Variants in CTNND2 observed in about 807,000 individuals in gnomAD.
The protein encoded by CTNND2 is catenin delta 2.
In CTNND2, 22 loss-of-function variants were observed where a neutral mutation model predicts 144.4. The observed-to-expected ratio is 0.15, with a 90% CI of 0.11 to 0.22. CTNND2 has a LOEUF of 0.22. CTNND2 is among the 10% of genes least tolerant of loss of function. The pLI, the probability that CTNND2 is intolerant of heterozygous loss-of-function variation, is 1.00. For missense variants in CTNND2, 1,353 were observed against 1,618.8 expected (o/e 0.84, Z 2.82); for synonymous variants, 751 against 695.6 (o/e 1.08, Z -1.25).
At chr5:11,447,161 T>C (rs1297581953) in intron 3 of CTNND2, among the ~76,000 whole-genome samples, 2 of 152,102 alleles carry the variant, frequency 1.3e-5, no homozygotes, top group African/African-American at 4.8e-5. Flanking sequence ...CTGGTCAACA[T>C]GGTGAAACCC....
At chr5:11,057,658 GAA>G (rs1459202480) in intron 16 of CTNND2, among the ~76,000 whole-genome samples, 3 of 152,194 alleles carry the variant, frequency 2.0e-5, no homozygotes, top group African/African-American at 7.2e-5. Flanking sequence ...GGGTGCTACT[GAA>G]AAGTTACCTG....
intron 2 of CTNND2, among the ~76,000 whole-genome samples, chr5:11,587,330 C>T (rs1461006025): frequency 6.6e-6 from 1 of 151,982 alleles, no homozygotes; most frequent in Admixed American, 6.6e-5. Flanking sequence ...AGCTTTAAGA[C>T]AATAAACATA....
Position 11,417,799 on chromosome 5 carries a change from A to C in CTNND2, c.288-5730T>G, listed in dbSNP as rs1022782467. Among the ~76,000 whole-genome samples the C allele has an allele frequency of 7.6e-4, 115 of 152,300 alleles. 1 individual carries two copies. The highest frequency in any genetic ancestry group is 2.6e-3 in the African/African-American group (107 of 41,556). On this transcript the variant is annotated intron_variant, in intron 3 of 21. Transcript: ENST00000304623. ...ACCCAGGAATTTTGCTTCTATGTAG[A>C]GACTCCAGGAAAACATTTGCACCTT...
chr5:11,892,411 C>T (rs1372369708), intron 1 of CTNND2, among the ~76,000 whole-genome samples: 1 of 152,164 alleles, frequency 6.6e-6, no homozygotes, highest in Non-Finnish European at 1.5e-5. Context: ...AGTAACAATG[C>T]TCTACTAATA....
intron 3 of CTNND2, among the ~76,000 whole-genome samples, chr5:11,436,372 G>T (rs1045604119): frequency 6.6e-6 from 1 of 152,162 alleles, no homozygotes; most frequent in African/African-American, 2.4e-5. Flanking sequence ...CAATGAGGAA[G>T]AACCTTCTAA....
intron 9 of CTNND2, among the ~76,000 whole-genome samples, chr5:11,255,604 A>AG (rs1744151206): frequency 6.6e-6 from 1 of 152,108 alleles, no homozygotes; most frequent in South Asian, 2.1e-4. Context: ...GCGACCACAA[A>AG]GGTTACGCAT....
intron 3 of CTNND2, among the ~76,000 whole-genome samples, chr5:11,499,794 C>G (rs1041576878): frequency 2.0e-5 from 3 of 152,102 alleles, no homozygotes; most frequent in Admixed American, 6.5e-5. Context: ...TTAAATTTAT[C>G]TTAAGGCTCT....
chr5:11,517,381 T>C (rs1772260204), intron 3 of CTNND2, among the ~76,000 whole-genome samples: 2 of 152,222 alleles, frequency 1.3e-5, no homozygotes, highest in Non-Finnish European at 2.9e-5. Flanking sequence ...TCAAACTGTC[T>C]AAATTCTTCT....
At chr5:11,226,806 C>T (rs1457805850) in intron 10 of CTNND2, among the ~76,000 whole-genome samples, 1 of 152,184 alleles carries the variant, frequency 6.6e-6, no homozygotes. Context: ...ATTGTTGCTT[C>T]CCCCTACTCA....
At chr5:11,117,395 G>T in intron 13 of CTNND2, 55 bp downstream of exon 13, 1 of 1,355,348 alleles carries the variant, frequency 7.4e-7, no homozygotes, top group Non-Finnish European at 1.1e-6. Flanking sequence ...CTATTGTTGA[G>T]TCCCGTGGGA....
At chr5:11,740,765 G>T (rs111463113) in intron 1 of CTNND2, among the ~76,000 whole-genome samples, 1 of 152,108 alleles carries the variant, frequency 6.6e-6, no homozygotes, top group African/African-American at 2.4e-5. Flanking sequence ...CCTACAGACT[G>T]GGAGAAAATT....
At chr5:11,752,336 T>C in intron 1 of CTNND2, among the ~76,000 whole-genome samples, 1 of 151,374 alleles carries the variant, frequency 6.6e-6, no homozygotes, top group Non-Finnish European at 1.5e-5. Flanking sequence ...AGTCTTAGGT[T>C]TTCCATTTGT....
chr5:11,677,685 C>G (rs1206322351), intron 2 of CTNND2, among the ~76,000 whole-genome samples: 1 of 152,046 alleles, frequency 6.6e-6, no homozygotes, highest in Non-Finnish European at 1.5e-5. Flanking sequence ...CAATGAAAGC[C>G]CATGTATTCG....
chr5:11,409,376 A>G (rs1331539349), intron 5 of CTNND2, among the ~76,000 whole-genome samples: 2 of 152,088 alleles, frequency 1.3e-5, no homozygotes, highest in Non-Finnish European at 2.9e-5. Context: ...TAACAAACAT[A>G]TACTATCATG....
intron 21 of CTNND2, among the ~76,000 whole-genome samples, chr5:10,979,596 T>C (rs1736959275): frequency 6.6e-6 from 1 of 152,194 alleles, no homozygotes; most frequent in African/African-American, 2.4e-5. Flanking sequence ...CTTTTATAGT[T>C]CCTGCAGAGC....
chr5:11,132,131 C>G (rs1306418568), intron 12 of CTNND2, among the ~76,000 whole-genome samples: 1 of 152,180 alleles, frequency 6.6e-6, no homozygotes, highest in Non-Finnish European at 1.5e-5. Context: ...AATTCTCCAG[C>G]CCCTCTAAAA....
chr5:11,276,744 A>G (rs1746573999), intron 9 of CTNND2, among the ~76,000 whole-genome samples: 1 of 152,212 alleles, frequency 6.6e-6, no homozygotes, highest in Admixed American at 6.5e-5. Context: ...CACAAAATCC[A>G]ATGACTGGTG....
rs1741681633 is a variant in CTNND2 at position 11,236,782 on chromosome 5, T to C, written c.1670A>G (p.Gln557Arg). 6.2e-7 allele frequency: 1 copy of C among 1,614,196 alleles called. No homozygotes were observed. The highest frequency in any genetic ancestry group is 8.5e-7 in the Non-Finnish European group (1 of 1,180,040). Residue 557 changes from glutamine (Q) to arginine (R), a missense_variant, in exon 10 of 22, where the codon CAG becomes CGG. This residue lies in a region of CTNND2 where 69 missense variants were observed against 120.3 expected (regional missense o/e 0.57). Coordinates refer to ENST00000304623, the MANE Select transcript of CTNND2 (RefSeq NM_001332.4). Reference sequence around the variant, plus strand: ...CGAGGGAAACTGGTGCTGCAACATCTGAATCACTTCCGGCAGTTCCGGGTC... The same window carrying C: ...CGAGGGAAACTGGTGCTGCAACATCCGAATCACTTCCGGCAGTTCCGGGTC... The part of the protein sequence containing the change: ...WRDPELPEVI[Q>R]MLQHQFPSVQ...
At chr5:11,387,412 A>C (rs1012315661) in intron 6 of CTNND2, among the ~76,000 whole-genome samples, 1 of 152,044 alleles carries the variant, frequency 6.6e-6, no homozygotes, top group African/African-American at 2.4e-5. Flanking sequence ...TTGGATTTGG[A>C]GGGTGCGGAG....
Sources: gnomAD v4.1 joint callset for allele counts (sites outside exome capture counted in the v4.1 genomes callset) on GRCh38, gnomAD v4.1.1 for gene constraint, gnomAD v4.1.1 regional missense constraint, MANE v1.5 for transcripts, NCBI Gene and HGNC (gene_info 2026-07-23, HGNC 2026-07-21) for gene names.